Variants in GRAMD1C observed in about 807,000 individuals in gnomAD.
GRAMD1C encodes GRAM domain containing 1C.
A neutral mutation model predicts 97.8 loss-of-function variants in GRAMD1C; 89 were observed. That is an observed-to-expected ratio of 0.91 (90% CI 0.77 to 1.09). The LOEUF is 1.09. GRAMD1C is among the 50% of genes least tolerant of loss of function. The pLI is 0.00. For synonymous variants in GRAMD1C, 256 were observed against 267.0 expected, an observed-to-expected ratio of 0.96 and a Z score of 0.40; for missense variants, 740 against 766.4, an observed-to-expected ratio of 0.97 and a Z score of 0.41.
At chr3:113,854,298 A>T (rs942740824) in intron 2 of GRAMD1C, among the ~76,000 whole-genome samples, 2 of 152,184 alleles carry the variant, frequency 1.3e-5, no homozygotes, top group Non-Finnish European at 2.9e-5. Context: ...AGACAGACTT[A>T]TGAAGACTGG....
chr3:113,923,488 A>G (rs112987497), intron 10 of GRAMD1C, among the ~76,000 whole-genome samples: 2,758 of 152,252 alleles, frequency 0.018, 37 homozygotes, highest in Non-Finnish European at 0.027. Flanking sequence ...CAGATGTTGA[A>G]TTGTATTGAA....
chr3:113,916,204 A>G (rs577765087), intron 10 of GRAMD1C, among the ~76,000 whole-genome samples: 4 of 152,352 alleles, frequency 2.6e-5, no homozygotes, highest in Admixed American at 2.0e-4. Flanking sequence ...CTTGGCAGTA[A>G]CTACTAAAGG....
chr3:113,891,472 C>G (rs898374877), intron 6 of GRAMD1C, among the ~76,000 whole-genome samples: 1 of 151,804 alleles, frequency 6.6e-6, no homozygotes, highest in Non-Finnish European at 1.5e-5. Context: ...ATTTCTTGAT[C>G]TTGTGTAATA....
intron 9 of GRAMD1C, among the ~76,000 whole-genome samples, chr3:113,914,604 G>A (rs1231822549): frequency 6.6e-6 from 1 of 151,792 alleles, no homozygotes; most frequent in East Asian, 1.9e-4. Context: ...AAGTAATCTT[G>A]GTCCTGAAAT....
chr3:113,883,408 C>T lies in GRAMD1C; in HGVS notation c.540+576C>T, dbSNP rs148558330. 4.8e-3 allele frequency among the ~76,000 whole-genome samples: 726 copies of T among 151,908 alleles called. 5 individuals carry two copies. The highest frequency in any genetic ancestry group is 0.017 in the African/African-American group (691 of 41,408). ...GGTGTGGTGACGCTTACCTGTAGTC[C>T]CAGCTACTTGGGAGGCTGAGGTGGG... is the stretch of plus-strand genomic sequence containing the variant. On this transcript the variant is annotated intron_variant, in intron 6 of 17. Coordinates refer to ENST00000358160, the MANE Select transcript of GRAMD1C (RefSeq NM_017577.5).
At chr3:113,919,465 G>A in intron 10 of GRAMD1C, 1 of 520,612 alleles carries the variant, frequency 1.9e-6, no homozygotes, top group Non-Finnish European at 3.9e-6. Context: ...ACAATGACAA[G>A]AGTAATGCTC....
chr3:113,884,568 C>A (rs1482344601), intron 6 of GRAMD1C, among the ~76,000 whole-genome samples: 1 of 152,176 alleles, frequency 6.6e-6, no homozygotes, highest in African/African-American at 2.4e-5. Flanking sequence ...CGCGGTGGCT[C>A]ACACCTGTAA....
At chr3:113,941,546 G>C (rs939110393) in intron 17 of GRAMD1C, among the ~76,000 whole-genome samples, 2 of 150,332 alleles carry the variant, frequency 1.3e-5, no homozygotes, top group Non-Finnish European at 3.0e-5. Context: ...GAGTTTTTCA[G>C]TTTTCGCTAA....
chr3:113,833,089 T>TTTTTC (rs1553713296), intron 1 of GRAMD1C, among the ~76,000 whole-genome samples: 3,166 of 150,570 alleles, frequency 0.021, 49 homozygotes, highest in Middle Eastern at 0.031. Flanking sequence ...GCCTTCAAAT[T>TTTTTC]TTTTCTTTTC....
chr3:113,912,132 A>G (rs1577196758), intron 9 of GRAMD1C, among the ~76,000 whole-genome samples: 1 of 152,132 alleles, frequency 6.6e-6, no homozygotes, highest in Admixed American at 6.5e-5. Flanking sequence ...TTCAGTCCAT[A>G]CCAATAATCT....
intron 2 of GRAMD1C, among the ~76,000 whole-genome samples, chr3:113,850,990 G>C (rs1008898956): frequency 1.3e-5 from 2 of 151,852 alleles, no homozygotes; most frequent in African/African-American, 4.8e-5. Flanking sequence ...TTTTAGTAGA[G>C]ACAGGGTTTC....
At chr3:113,830,774 T>C (rs1348663241) in intron 1 of GRAMD1C, among the ~76,000 whole-genome samples, 1 of 152,142 alleles carries the variant, frequency 6.6e-6, no homozygotes, top group African/African-American at 2.4e-5. Context: ...AACAAGCACA[T>C]CCCCATACCT....
intron 2 of GRAMD1C, among the ~76,000 whole-genome samples, chr3:113,847,273 G>A (rs1350371649): frequency 1.3e-5 from 2 of 152,080 alleles, no homozygotes; most frequent in African/African-American, 4.8e-5. Context: ...AACATTACAA[G>A]AGACATGAAA....
chr3:113,899,426 A>G (rs941658311), intron 6 of GRAMD1C, among the ~76,000 whole-genome samples: 3 of 150,874 alleles, frequency 2.0e-5, no homozygotes, highest in African/African-American at 4.8e-5. Context: ...ATCTTGTCAT[A>G]TAACTTAAGA....
intron 2 of GRAMD1C, among the ~76,000 whole-genome samples, chr3:113,856,013 C>T (rs536658799): frequency 2.6e-5 from 4 of 151,918 alleles, no homozygotes; most frequent in South Asian, 2.1e-4. Context: ...CTCAGCCTCC[C>T]GAGTAGCTGG....
chr3:113,927,368 T>C (rs989741956), intron 10 of GRAMD1C, among the ~76,000 whole-genome samples: 2 of 152,122 alleles, frequency 1.3e-5, no homozygotes, highest in African/African-American at 4.8e-5. Context: ...CGGGGCTCTT[T>C]TAAGCAGGTG....
In GRAMD1C at chr3:113,865,022, A is replaced by T. The variant is rs138458435; in HGVS notation, c.175-4485A>T. The stretch of plus-strand genomic sequence containing the variant: ...TATAGAAAGGAGATTTATTTGGCTC[A>T]TGGTTCTGGAGGATGGAAAGTTCAA... On this transcript the variant is annotated intron_variant, in intron 2 of 17. Transcript: ENST00000358160. Among the ~76,000 whole-genome samples, 21 of 152,270 alleles carry T rather than the reference A, an allele frequency of 1.4e-4. 1 individual carries two copies. In the East Asian group the frequency reaches 3.9e-3, roughly 28 times the overall value.
intron 12 of GRAMD1C, among the ~76,000 whole-genome samples, chr3:113,934,104 A>G (rs554228828): frequency 5.6e-4 from 85 of 152,338 alleles, no homozygotes; most frequent in African/African-American, 2.0e-3. Flanking sequence ...CACCTAGTGT[A>G]TGACCACTAG....
At chr3:113,849,731 T>C (rs1933782791) in intron 2 of GRAMD1C, among the ~76,000 whole-genome samples, 1 of 152,194 alleles carries the variant, frequency 6.6e-6, no homozygotes, top group South Asian at 2.1e-4. Flanking sequence ...TTTCTCAATC[T>C]TTTCCCCACC....
Sources: gnomAD v4.1 joint callset for allele counts (sites outside exome capture counted in the v4.1 genomes callset) on GRCh38, gnomAD v4.1.1 for gene constraint, MANE v1.5 for transcripts, NCBI Gene and HGNC (gene_info 2026-07-23, HGNC 2026-07-21) for gene names.